Variants in FARP2 observed in about 807,000 individuals in gnomAD.
FARP2 encodes FERM, ARH/RhoGEF and pleckstrin domain protein 2, also known as FERM, ARHGEF and pleckstrin domain-containing protein 2.
FARP2 carries 111 observed loss-of-function variants against 130.5 expected under a neutral mutation model. The observed-to-expected ratio is 0.85, with a 90% CI of 0.73 to 1.00. FARP2 has a LOEUF of 1.00. Among genes scored for constraint, FARP2 ranks in the 50% least tolerant of loss-of-function variants. The probability of loss-of-function intolerance (pLI) is 0.00; values close to 1 mark genes in which losing one functional copy is unlikely to be tolerated. For missense variants in FARP2, 1,385 were observed against 1,346.3 expected, an observed-to-expected ratio of 1.03 and a Z score of -0.45; for synonymous variants, 504 against 516.9, an observed-to-expected ratio of 0.98 and a Z score of 0.34.
chr2:241,451,286 T>C (rs1301544331), intron 13 of FARP2, among the ~76,000 whole-genome samples: 3 of 152,188 alleles, frequency 2.0e-5, no homozygotes, highest in Non-Finnish European at 4.4e-5. Context: ...TTTGCCGCTT[T>C]GAGAGTATTT....
At chr2:241,478,092 T>G (rs2124867493) in intron 19 of FARP2, 1 of 152,334 alleles carries the variant, frequency 6.6e-6, no homozygotes, top group South Asian at 2.1e-4. Flanking sequence ...AGCTTTTAAT[T>G]TATCTATTTT....
At chr2:241,471,581 C>T (rs754389117) in intron 18 of FARP2, 2 of 150,634 alleles carry the variant, frequency 1.3e-5, no homozygotes, top group Admixed American at 6.6e-5. Flanking sequence ...GCAAGCTCCG[C>T]CTCCTGGGTT....
chr2:241,401,096 C>T (rs936600779), intron 2 of FARP2, among the ~76,000 whole-genome samples: 6 of 152,198 alleles, frequency 3.9e-5, no homozygotes, highest in Admixed American at 3.3e-4. Flanking sequence ...CAGGTCACTT[C>T]GTAGCTCACC....
chr2:241,403,812 A>G lies in FARP2; in HGVS notation c.184-16A>G, dbSNP rs187668984. Reference sequence around the variant, plus strand: ...TCTTTCAATCCTTGTTATTTTTCCCATCTCTCTCTGCACAGCCTAAATGCG... The same window carrying G: ...TCTTTCAATCCTTGTTATTTTTCCCGTCTCTCTCTGCACAGCCTAAATGCG... On this transcript the variant is annotated splice_polypyrimidine_tract_variant and intron_variant, in intron 2 of 26. Coordinates refer to ENST00000264042, the MANE Select transcript of FARP2 (RefSeq NM_014808.4). 1.4e-3 allele frequency: 2,237 copies of G among 1,558,090 alleles called. 32 individuals carry two copies. The highest frequency in any genetic ancestry group is 3.4e-4 in the Middle Eastern group (2 of 5,946).
intron 7 of FARP2, among the ~76,000 whole-genome samples, chr2:241,416,098 A>G (rs571837690): frequency 6.8e-6 from 1 of 146,328 alleles, no homozygotes; most frequent in East Asian, 2.1e-4. Flanking sequence ...ATGTGTTCCT[A>G]TGCATGCATT....
chr2:241,367,027 A>T (rs1225265092), intron 1 of FARP2, among the ~76,000 whole-genome samples: 1 of 152,064 alleles, frequency 6.6e-6, no homozygotes, highest in African/African-American at 2.4e-5. Flanking sequence ...GCGCTCTTCC[A>T]TCAGCAGAGT....
intron 9 of FARP2, 52 bp from the exon 10 acceptor site, chr2:241,434,106 C>A: frequency 1.5e-6 from 2 of 1,376,870 alleles, no homozygotes; most frequent in South Asian, 1.4e-5. Context: ...TGTACTTTCT[C>A]TTGTCCAATA....
At chr2:241,371,262 G>C (rs1454633112) in intron 1 of FARP2, among the ~76,000 whole-genome samples, 1 of 152,170 alleles carries the variant, frequency 6.6e-6, no homozygotes, top group African/African-American at 2.4e-5. Context: ...GTCGGAGGAT[G>C]AGTTGAGGCC....
At chr2:241,382,095 A>G (rs2061673841) in intron 2 of FARP2, among the ~76,000 whole-genome samples, 1 of 152,194 alleles carries the variant, frequency 6.6e-6, no homozygotes, top group Non-Finnish European at 1.5e-5. Flanking sequence ...AGAGAGAACA[A>G]CCATTCACAT....
chr2:241,442,114 C>T (rs1173049728), intron 13 of FARP2: 1 of 404,954 alleles, frequency 2.5e-6, no homozygotes, highest in Non-Finnish European at 5.0e-6. Flanking sequence ...GATGCAGCGC[C>T]TGCTGGGTCC....
chr2:241,374,155 G>A (rs1229699396), intron 2 of FARP2, among the ~76,000 whole-genome samples: 1 of 151,804 alleles, frequency 6.6e-6, no homozygotes, highest in African/African-American at 2.4e-5. Flanking sequence ...GGGATTACAA[G>A]CATGCACCAC....
At chr2:241,456,200 A>C (rs1200650675) in intron 13 of FARP2, among the ~76,000 whole-genome samples, 1 of 152,238 alleles carries the variant, frequency 6.6e-6, no homozygotes, top group East Asian at 1.9e-4. Flanking sequence ...AATCCCCATT[A>C]ATGAAAAACT....
At chr2:241,400,984 C>T (rs1241989228) in intron 2 of FARP2, among the ~76,000 whole-genome samples, 1 of 152,186 alleles carries the variant, frequency 6.6e-6, no homozygotes, top group Non-Finnish European at 1.5e-5. Flanking sequence ...TGCCCACAGG[C>T]ATCAGAGTAA....
rs773945575 is a variant in FARP2, at chr2:241,491,142, T to G, written c.2586T>G (p.Pro862=). 13 of 1,612,994 alleles carry G rather than the reference T, an allele frequency of 8.1e-6. No individual in the cohort carries two copies. The South Asian group carries it at 1.3e-4, about 16-fold the overall frequency. Reference sequence around the variant, plus strand: ...CCAAGAGTGGCGGTGACACGGCCCCTGCACTGCCAGGCCGCACTGTGTGCA... The same window carrying G: ...CCAAGAGTGGCGGTGACACGGCCCCGGCACTGCCAGGCCGCACTGTGTGCA... ...QAAKSGGDTA[P]ALPGRTVCTR... The change falls in exon 23 of 27, where the codon CCT becomes CCG. Residue 862 remains proline, a synonymous_variant. Coordinates refer to ENST00000264042, the MANE Select transcript of FARP2 (RefSeq NM_014808.4).
At chr2:241,429,286 G>A (rs890477002) in intron 8 of FARP2, among the ~76,000 whole-genome samples, 1 of 151,868 alleles carries the variant, frequency 6.6e-6, no homozygotes, top group Non-Finnish European at 1.5e-5. Context: ...CAATCTAGGA[G>A]CAAATGCTGT....
rs369649464 is a variant in FARP2, at chr2:241,491,723, C to T, written c.2787+44C>T. 7.1e-6 allele frequency: 11 copies of T among 1,542,396 alleles called. No individual in the cohort carries two copies. In the African/African-American group the frequency reaches 1.4e-4, roughly 19 times the overall value. ...CACCTCAGTGCATCTGGAATGTTCC[C>T]AGCTGTCTCTGCACTTGGCTGCTGA... On this transcript the variant is annotated intron_variant, in intron 24 of 26. Coordinates refer to ENST00000264042, the MANE Select transcript of FARP2 (RefSeq NM_014808.4).
chr2:241,434,605 A>C (rs1158203657), intron 10 of FARP2, among the ~76,000 whole-genome samples: 1 of 152,214 alleles, frequency 6.6e-6, no homozygotes, highest in Non-Finnish European at 1.5e-5. Flanking sequence ...TAATCCCAGC[A>C]CTTTGGAAGG....
chr2:241,452,316 C>A (rs545304786), intron 13 of FARP2, among the ~76,000 whole-genome samples: 1 of 152,078 alleles, frequency 6.6e-6, no homozygotes, highest in Non-Finnish European at 1.5e-5. Context: ...TGCAACAGCC[C>A]ATACAAAATC....
chr2:241,465,600 G>T (rs1192230845), intron 17 of FARP2: 1 of 1,550,584 alleles, frequency 6.4e-7, no homozygotes, highest in Non-Finnish European at 8.7e-7. Context: ...GGACAACAGT[G>T]CAGGTCGTGC....
Sources: allele counts gnomAD v4.1 joint callset (sites outside exome capture counted in the v4.1 genomes callset), GRCh38; gene constraint gnomAD v4.1.1; transcripts MANE v1.5; gene names NCBI Gene and HGNC (gene_info 2026-07-23, HGNC 2026-07-21).